Variants in HEATR9 observed in about 807,000 individuals in gnomAD.
HEATR9 encodes protein HEATR9.
HEATR9 carries 54 observed loss-of-function variants against 68.2 expected under a neutral mutation model. The ratio of observed to expected loss-of-function variants is 0.79; its 90% CI spans 0.64 to 0.99. The LOEUF is 0.99. HEATR9 is among the 50% of genes least tolerant of loss of function. HEATR9 has a pLI of 0.00. For missense variants in HEATR9, 662 were observed against 679.7 expected, an observed-to-expected ratio of 0.97 and a Z score of 0.29; for synonymous variants, 241 against 253.5, an observed-to-expected ratio of 0.95 and a Z score of 0.47.
intron 1 of HEATR9, among the ~76,000 whole-genome samples, chr17:35,868,104 T>C (rs1488561351): frequency 3.3e-5 from 5 of 152,176 alleles, no homozygotes; most frequent in Non-Finnish European, 5.9e-5. Flanking sequence ...TCTAACAAGA[T>C]GCTGATGCTG....
intron 8 of HEATR9, among the ~76,000 whole-genome samples, chr17:35,859,819 C>T (rs2087912666): frequency 6.6e-6 from 1 of 152,230 alleles, no homozygotes; most frequent in Admixed American, 6.5e-5. Flanking sequence ...GGGCAGTTCT[C>T]TTTCTCACTC....
At chr17:35,868,136 G>A (rs974288527) in intron 1 of HEATR9, among the ~76,000 whole-genome samples, 1 of 152,196 alleles carries the variant, frequency 6.6e-6, no homozygotes, top group African/African-American at 2.4e-5. Context: ...ATCACGCTTT[G>A]AGGACCACTG....
chr17:35,858,067 TG>T, intron 11 of HEATR9, 132 bp downstream of exon 11: 1 of 1,285,950 alleles, frequency 7.8e-7, no homozygotes, highest in African/African-American at 1.5e-5. Flanking sequence ...TATAAAAACC[TG>T]GGCTGCATTA....
intron 12 of HEATR9, 42 bp downstream of exon 12, chr17:35,856,690 C>T: frequency 2.6e-6 from 4 of 1,547,140 alleles, no homozygotes; most frequent in Non-Finnish European, 3.5e-6. Context: ...GCCCCCTTCC[C>T]ACAGCCTAGG....
intron 8 of HEATR9, chr17:35,861,584 C>G (rs965215155): frequency 4.3e-6 from 3 of 700,878 alleles, no homozygotes; most frequent in Non-Finnish European, 7.7e-6. Context: ...CTGTGTTGGT[C>G]CCCTTTGCTT....
rs555420433 is a variant in HEATR9, at chr17:35,865,242, A to G, written c.293T>C (p.Met98Thr). 4.3e-6 allele frequency: 7 copies of G among 1,613,926 alleles called. No individual in the cohort carries two copies. In the South Asian group the frequency reaches 5.5e-5, roughly 13 times the overall value. Reference protein sequence around the residue: ...DQREEREAEKMLRKMRDDCRY... With the variant: ...DQREEREAEKTLRKMRDDCRY... ...ACAGTCATCTCTCATTTTCCTCAAC[A>G]TCTTCTCAGCCTCCCTTTCCTCTCG... The change falls in exon 3 of 15, where the codon ATG becomes ACG. Residue 98 changes from methionine (M) to threonine (T), a missense_variant. Met to Thr is a moderately conservative substitution (Grantham distance 81). Transcript: ENST00000604834.
Position 35,863,114 on chromosome 17 carries a change from T to C in HEATR9, c.637A>G (p.Lys213Glu), listed in dbSNP as rs370892619. 2 of 1,613,988 alleles carry C rather than the reference T, an allele frequency of 1.2e-6. No homozygotes were observed. The highest frequency in any genetic ancestry group is 2.7e-5 in the African/African-American group (2 of 74,924). ...RTLAILGCLN[K>E]HVIRALIKQL... ...TTGATGAGAGCCCGGATCACATGCT[T>C]ATTCAGGCAACCTGGACAGGGAGGG... Residue 213 changes from lysine to glutamate, a missense_variant, in exon 8 of 15, where the codon AAG (lysine) becomes GAG (glutamate). By Grantham distance (56) the Lys-to-Glu change is moderately conservative (BLOSUM62 1). Coordinates refer to ENST00000604834, the MANE Select transcript of HEATR9 (RefSeq NM_152781.4).
intron 8 of HEATR9, chr17:35,861,334 G>A: frequency 6.8e-7 from 1 of 1,461,480 alleles, no homozygotes; most frequent in East Asian, 2.3e-5. Context: ...GTATTTGATA[G>A]GTTCATTTCT....
chr17:35,863,284 G>A (rs887131536), intron 7 of HEATR9, among the ~76,000 whole-genome samples, 159 bp from the exon 8 acceptor site: 1 of 152,200 alleles, frequency 6.6e-6, no homozygotes, highest in African/African-American at 2.4e-5. Context: ...CTGGCTGAAT[G>A]TGAACACTAT....
chr17:35,868,459 A>G (rs986405330), intron 1 of HEATR9, 196 bp downstream of exon 1: 1 of 932,226 alleles, frequency 1.1e-6, no homozygotes, highest in Non-Finnish European at 1.5e-6. Context: ...CCCATCTTAG[A>G]GATCCCTGTA....
intron 8 of HEATR9, among the ~76,000 whole-genome samples, chr17:35,861,835 AACATACT>A (rs2088004562): frequency 6.6e-6 from 1 of 151,446 alleles, no homozygotes; most frequent in Non-Finnish European, 1.5e-5. Flanking sequence ...TGTCACCTCT[AACATACT>A]ACATAATTTT....
chr17:35,855,266 C>G lies in HEATR9; in HGVS notation c.1510G>C (p.Glu504Gln), dbSNP rs2087730581. 1 of 1,614,084 alleles carries G rather than the reference C, an allele frequency of 6.2e-7. No homozygotes were observed. The highest frequency in any genetic ancestry group is 1.7e-5 in the Admixed American group (1 of 60,004). Residue 504 changes from glutamate to glutamine, a missense_variant, in exon 15 of 15, where the codon GAA becomes CAA. Glu to Gln is a conservative substitution (Grantham distance 29). Transcript: ENST00000604834. ...TRFQKEPENPEELTIQDFRLA... is the reference protein window; with the variant it reads ...TRFQKEPENPQELTIQDFRLA... ...CGAAAGTCTTGAATAGTTAACTCTT[C>G]TGGGTTCTCAGGCTCTTTCTGGAAC...
chr17:35,863,486 G>A lies in HEATR9; in HGVS notation c.625+16C>T. ...GCACTTTCTCAACTCCCCACCAAGG[G>A]AGAAGACATACTCACCCAGGATGGC... is the stretch of plus-strand genomic sequence containing the variant. On this transcript the variant is annotated intron_variant, in intron 7 of 14. Transcript: ENST00000604834. 1 of 1,613,706 alleles carries A rather than the reference G, an allele frequency of 6.2e-7. No homozygotes were observed. The highest frequency in any genetic ancestry group is 8.5e-7 in the Non-Finnish European group (1 of 1,179,620).
intron 7 of HEATR9, 86 bp downstream of exon 7, chr17:35,863,416 G>A (rs2088072473): frequency 7.3e-7 from 1 of 1,371,024 alleles, no homozygotes; most frequent in African/African-American, 1.4e-5. Flanking sequence ...TGGAGCAAGT[G>A]TATGCTCCTC....
chr17:35,856,316 A>C, intron 12 of HEATR9, 92 bp from the exon 13 acceptor site: 2 of 1,613,752 alleles, frequency 1.2e-6, no homozygotes, highest in Non-Finnish European at 8.5e-7. Flanking sequence ...AGAGCGAATT[A>C]GGCAAAGTGA....
At chr17:35,863,890 T>C (rs2088093526) in intron 6 of HEATR9, 1 of 541,320 alleles carries the variant, frequency 1.8e-6, no homozygotes, top group Admixed American at 3.2e-5. Context: ...AATGAGATTA[T>C]GGATATAAAG....
At chr17:35,860,826 A>G (rs981142169) in intron 8 of HEATR9, among the ~76,000 whole-genome samples, 7 of 151,984 alleles carry the variant, frequency 4.6e-5, no homozygotes, top group Admixed American at 4.6e-4. Flanking sequence ...TGGGTGAATC[A>G]CAAGATCAGG....
At chr17:35,864,164 G>A in intron 6 of HEATR9, 82 bp downstream of exon 6, 1 of 1,193,128 alleles carries the variant, frequency 8.4e-7, no homozygotes, top group Non-Finnish European at 1.3e-6. Flanking sequence ...TAGCACCCCG[G>A]GGAGCCTCGT....
intron 8 of HEATR9, among the ~76,000 whole-genome samples, chr17:35,860,479 T>TTTTATTTA (rs772329265): frequency 2.1e-5 from 2 of 94,150 alleles, no homozygotes; most frequent in Non-Finnish European, 4.2e-5. Flanking sequence ...TATTTATTTA[T>TTTTATTTA]TTTATTTATT....
Sources: allele counts gnomAD v4.1 joint callset (sites outside exome capture counted in the v4.1 genomes callset), GRCh38; gene constraint gnomAD v4.1.1; transcripts MANE v1.5; gene names NCBI Gene and HGNC (gene_info 2026-07-23, HGNC 2026-07-21).